SH3D19: variants seen among roughly 807,000 people sequenced by gnomAD.
SH3D19 encodes the protein SH3 domain containing 19.
In SH3D19, 58 loss-of-function variants were observed where a neutral mutation model predicts 112.1. The observed-to-expected ratio is 0.52, with a 90% CI of 0.42 to 0.64. SH3D19 has a LOEUF of 0.64. Among genes scored for constraint, SH3D19 ranks in the 30% least tolerant of loss-of-function variants. The pLI is 0.00. For synonymous variants in SH3D19, 391 were observed against 448.5 expected (o/e 0.87, Z 1.62); for missense variants, 1,090 against 1,263.4 (o/e 0.86, Z 2.08).
chr4:151,143,972 C>G lies in SH3D19; in HGVS notation c.2161G>C (p.Val721Leu). 1 of 1,614,112 alleles carries G rather than the reference C, an allele frequency of 6.2e-7. No homozygotes were observed. The highest frequency in any genetic ancestry group is 8.5e-7 in the Non-Finnish European group (1 of 1,180,004). ...ATAATCTTCATTTGAGACAGGTGAA[C>G]TCTGCCAGTGTCTTCTCCCTTTTGG... ...ECQKGEDTGR[V>L]HLSQMKIITP... Residue 721 changes from valine to leucine, a missense_variant, in exon 12 of 20, where the codon GTT becomes CTT. By Grantham distance (32) the Val-to-Leu change is conservative (BLOSUM62 1). Coordinates refer to ENST00000604030, the MANE Select transcript of SH3D19 (RefSeq NM_001378122.1).
chr4:151,220,172 A>T (rs1767802815), intron 2 of SH3D19, among the ~76,000 whole-genome samples: 2 of 152,176 alleles, frequency 1.3e-5, no homozygotes, highest in African/African-American at 4.8e-5. Context: ...AATTACTTAA[A>T]AGAGTTCACC....
Position 151,260,030 on chromosome 4 carries a change from T to C in SH3D19, c.113-33944A>G, listed in dbSNP as rs186063225. On this transcript the variant is annotated intron_variant, in intron 1 of 19. Transcript: ENST00000604030. ...TAAGTTAACTCATCCATCTTTGTTT[T>C]TTTCCTTTTTGAAAGAAAGTGTGCT... is the stretch of plus-strand genomic sequence containing the variant. Among the ~76,000 whole-genome samples, 22 of 152,336 alleles carry C rather than the reference T, an allele frequency of 1.4e-4. No homozygotes were observed. In the East Asian group the frequency reaches 2.7e-3, roughly 19 times the overall value.
chr4:151,204,933 G>A (rs566793100), intron 2 of SH3D19, among the ~76,000 whole-genome samples: 5 of 152,054 alleles, frequency 3.3e-5, no homozygotes, highest in Non-Finnish European at 7.4e-5. Flanking sequence ...TGATTCTCCT[G>A]CCTCAGTCTC....
At chr4:151,297,615 G>T (rs948182875) in intron 1 of SH3D19, among the ~76,000 whole-genome samples, 1 of 152,140 alleles carries the variant, frequency 6.6e-6, no homozygotes, top group African/African-American at 2.4e-5. Context: ...TAAAGACAAA[G>T]AGAAATCAAG....
intron 3 of SH3D19, among the ~76,000 whole-genome samples, chr4:151,184,375 C>T (rs541080094): frequency 6.6e-6 from 1 of 151,982 alleles, no homozygotes; most frequent in Non-Finnish European, 1.5e-5. Flanking sequence ...AAGAAGAAAA[C>T]AAAAGGGAAT....
At chr4:151,270,327 T>C (rs923227863) in intron 1 of SH3D19, among the ~76,000 whole-genome samples, 3 of 152,086 alleles carry the variant, frequency 2.0e-5, no homozygotes, top group East Asian at 1.9e-4. Context: ...CTCAAAATAG[T>C]GTGTGACTTC....
At chr4:151,214,596 C>G (rs1766656760) in intron 2 of SH3D19, among the ~76,000 whole-genome samples, 1 of 137,790 alleles carries the variant, frequency 7.3e-6, no homozygotes, top group South Asian at 2.5e-4. Context: ...GCTGACCCCC[C>G]ACCTCCCTCC....
chr4:151,268,305 G>C (rs1013676957), intron 1 of SH3D19, among the ~76,000 whole-genome samples: 1 of 152,256 alleles, frequency 6.6e-6, no homozygotes, highest in South Asian at 2.1e-4. Flanking sequence ...CACTTACTGT[G>C]AATGGAGCTT....
intron 1 of SH3D19, among the ~76,000 whole-genome samples, chr4:151,260,275 C>G (rs747852786): frequency 1.3e-5 from 2 of 152,162 alleles, no homozygotes; most frequent in Non-Finnish European, 2.9e-5. Flanking sequence ...GCTGATAACA[C>G]TCGCACTTGC....
At chr4:151,192,961 T>C (rs1762871455) in intron 2 of SH3D19, among the ~76,000 whole-genome samples, 1 of 141,206 alleles carries the variant, frequency 7.1e-6, no homozygotes, top group Non-Finnish European at 1.6e-5. Flanking sequence ...CCAATTCTTC[T>C]TTTTTTTTTT....
At chr4:151,309,156 A>C (rs1729201077) in intron 1 of SH3D19, among the ~76,000 whole-genome samples, 1 of 152,270 alleles carries the variant, frequency 6.6e-6, no homozygotes, top group African/African-American at 2.4e-5. Context: ...GGCGTGAGCC[A>C]CCGGGCCCAG....
At chr4:151,304,702 T>C (rs987845683) in intron 1 of SH3D19, among the ~76,000 whole-genome samples, 2 of 152,020 alleles carry the variant, frequency 1.3e-5, no homozygotes, top group Non-Finnish European at 2.9e-5. Flanking sequence ...GAGAATGAGA[T>C]GGTTTGAGGA....
At chr4:151,282,456 C>G (rs749322372) in intron 1 of SH3D19, 13 of 1,601,004 alleles carry the variant, frequency 8.1e-6, no homozygotes, top group Non-Finnish European at 9.4e-6. Flanking sequence ...ATGTCATCCT[C>G]TTGTACTCCA....
intron 1 of SH3D19, chr4:151,226,308 C>T (rs1303327168): frequency 8.4e-7 from 1 of 1,196,592 alleles, no homozygotes; most frequent in African/African-American, 1.6e-5. Flanking sequence ...AAATCATCTA[C>T]TTGGAAAATG....
intron 3 of SH3D19, among the ~76,000 whole-genome samples, chr4:151,184,891 G>A (rs1054009300): frequency 5.9e-5 from 9 of 151,938 alleles, no homozygotes; most frequent in Non-Finnish European, 8.8e-5. Context: ...CTGCTCTCTC[G>A]TGGGTCTCAA....
intron 1 of SH3D19, among the ~76,000 whole-genome samples, chr4:151,315,012 G>T (rs1413535344): frequency 6.6e-6 from 1 of 152,194 alleles, no homozygotes; most frequent in Non-Finnish European, 1.5e-5. Flanking sequence ...CAGGCTGGAA[G>T]AAGTAGCTTC....
chr4:151,199,717 G>A (rs187895068), intron 2 of SH3D19, among the ~76,000 whole-genome samples: 26 of 152,238 alleles, frequency 1.7e-4, no homozygotes, highest in Admixed American at 3.9e-4. Context: ...AGTGCAGACC[G>A]TGCCAAAGCA....
chr4:151,269,573 T>G (rs1177412470), intron 1 of SH3D19, among the ~76,000 whole-genome samples: 6 of 152,184 alleles, frequency 3.9e-5, no homozygotes, highest in African/African-American at 9.6e-5. Flanking sequence ...TTTATGGTTT[T>G]GGGTCTAATG....
chr4:151,169,643 T>A (rs1758704799), intron 7 of SH3D19, among the ~76,000 whole-genome samples: 1 of 152,130 alleles, frequency 6.6e-6, no homozygotes, highest in African/African-American at 2.4e-5. Flanking sequence ...GGGCAACATA[T>A]AAAGCAAGGC....
Sources: allele counts gnomAD v4.1 joint callset (sites outside exome capture counted in the v4.1 genomes callset), GRCh38; gene constraint gnomAD v4.1.1; transcripts MANE v1.5; gene names NCBI Gene and HGNC (gene_info 2026-07-23, HGNC 2026-07-21).